PARD3: variants seen among roughly 807,000 people sequenced by gnomAD.
The protein encoded by PARD3 is par-3 family cell polarity regulator, also known as partitioning defective 3 homolog.
In PARD3, 75 loss-of-function variants were observed where a neutral mutation model predicts 155.4. The ratio of observed to expected loss-of-function variants is 0.48; its 90% confidence interval spans 0.40 to 0.58. The LOEUF (loss-of-function observed/expected upper bound fraction) is 0.58. Among genes scored for constraint, PARD3 ranks in the 20% least tolerant of loss-of-function variants. The probability of loss-of-function intolerance (pLI) is 0.00; values close to 1 mark genes in which losing one functional copy is unlikely to be tolerated. For missense variants in PARD3, 1,642 were observed against 1,721.7 expected, an observed-to-expected ratio of 0.95 and a Z score of 0.82; for synonymous variants, 576 against 610.5, an observed-to-expected ratio of 0.94 and a Z score of 0.83.
At chr10:34,226,460 G>T (rs1035505508) in intron 22 of PARD3, among the ~76,000 whole-genome samples, 1 of 152,222 alleles carries the variant, frequency 6.6e-6, no homozygotes, top group Admixed American at 6.5e-5. Context: ...TGAGGCAAGA[G>T]AACTGCTTGA....
intron 7 of PARD3, among the ~76,000 whole-genome samples, chr10:34,392,708 T>A (rs1842961072): frequency 6.6e-6 from 1 of 152,178 alleles, no homozygotes; most frequent in African/African-American, 2.4e-5. Flanking sequence ...CAACTTCCCT[T>A]CTTCCTGAGA....
At chr10:34,449,563 G>A (rs2076945274) in intron 5 of PARD3, among the ~76,000 whole-genome samples, 1 of 150,502 alleles carries the variant, frequency 6.6e-6, no homozygotes. Flanking sequence ...TAACAAATCT[G>A]CACATTGTGC....
In PARD3 at chr10:34,374,937, C is replaced by T. The variant is rs1264354357; in HGVS notation, c.1605G>A (p.Lys535=). The change falls in exon 11 of 25, where the codon AAG becomes AAA. Residue 535 remains lysine, a synonymous_variant. Coordinates refer to ENST00000374788, the MANE Select transcript of PARD3 (RefSeq NM_001184785.2). The part of the protein sequence containing the change: ...EEVVSLLRST[K]MEGTVSLLVF... ...CCAGAAGGCTCACAGTTCCTTCCAT[C>T]TTGGTGCTTCTCAACAGCGAAACAA... 7 of 1,613,898 alleles carry T rather than the reference C, an allele frequency of 4.3e-6. No individual in the cohort carries two copies. Among genetic ancestry groups the T allele is most frequent in the Admixed American group, 1.7e-5 (1 of 59,996 alleles).
intron 2 of PARD3, among the ~76,000 whole-genome samples, chr10:34,672,601 C>T (rs946479137): frequency 2.0e-5 from 3 of 152,160 alleles, no homozygotes; most frequent in African/African-American, 4.8e-5. Flanking sequence ...GAGGACTGCT[C>T]GAGGTCAGGA....
chr10:34,649,926 A>AAC (rs1475629009), intron 2 of PARD3, among the ~76,000 whole-genome samples: 10 of 151,346 alleles, frequency 6.6e-5, no homozygotes, highest in African/African-American at 2.2e-4. Flanking sequence ...GGGAAAAACT[A>AAC]AGACACACAC....
At chr10:34,327,043 G>A (rs1402485816) in intron 19 of PARD3, among the ~76,000 whole-genome samples, 2 of 152,128 alleles carry the variant, frequency 1.3e-5, no homozygotes, top group Non-Finnish European at 2.9e-5. Context: ...TTTTAATTAC[G>A]AAAAAGTAGA....
In PARD3 at chr10:34,375,053, A is replaced by AACACACACACACACACAC. The variant is rs35263377; in HGVS notation, c.1540-69_1540-52dup. On this transcript the variant is annotated intron_variant, in intron 10 of 24. Coordinates refer to ENST00000374788, the MANE Select transcript of PARD3 (RefSeq NM_001184785.2). ...TGTAATCCTGTGGAAACAACAGGAAAACACACACACACACACACACACACA... is the reference window on the plus strand; with the variant it reads ...TGTAATCCTGTGGAAACAACAGGAAAACACACACACACACACACACACACACACACACACACACACACA... 252 of 783,608 alleles carry AACACACACACACACACAC rather than the reference A, an allele frequency of 3.2e-4. 2 individuals are homozygous for AACACACACACACACACAC. In the African/African-American group the frequency reaches 4.2e-3, roughly 13 times the overall value. 48.5% of individuals were successfully genotyped at this position (783,608 alleles called of 1,614,324 possible). A position where few individuals can be genotyped will look rare whatever the true frequency, so the allele number is the denominator to read the frequency against.
chr10:34,490,290 A>G (rs2079806986), intron 3 of PARD3, among the ~76,000 whole-genome samples: 2 of 152,196 alleles, frequency 1.3e-5, no homozygotes, highest in South Asian at 4.1e-4. Flanking sequence ...AGTTCCCTTT[A>G]GCTAAGACGA....
chr10:34,445,396 G>C (rs996360853), intron 5 of PARD3, among the ~76,000 whole-genome samples: 6 of 152,160 alleles, frequency 3.9e-5, no homozygotes, highest in Admixed American at 2.6e-4. Flanking sequence ...TATTCTGCTG[G>C]ATGTGAAAAC....
chr10:34,391,988 T>C (rs1242018006), intron 7 of PARD3, among the ~76,000 whole-genome samples: 1 of 152,050 alleles, frequency 6.6e-6, no homozygotes, highest in Non-Finnish European at 1.5e-5. Flanking sequence ...AGACCCCACC[T>C]TTACCAAAAA....
At chr10:34,515,972 CT>C (rs11398185) in intron 3 of PARD3, among the ~76,000 whole-genome samples, 5 of 149,258 alleles carry the variant, frequency 3.3e-5, no homozygotes, top group Admixed American at 6.7e-5. Context: ...ATAAATAATC[CT>C]TTTTTTTTTC....
At chr10:34,323,281 A>T (rs188462006) in intron 19 of PARD3, among the ~76,000 whole-genome samples, 5 of 152,116 alleles carry the variant, frequency 3.3e-5, no homozygotes, top group African/African-American at 1.2e-4. Context: ...GACTTTTAAC[A>T]TTAGAATGAT....
chr10:34,454,539 C>T (rs1429462673), intron 4 of PARD3, among the ~76,000 whole-genome samples: 4 of 151,886 alleles, frequency 2.6e-5, no homozygotes, highest in Admixed American at 2.6e-4. Flanking sequence ...ATCAAATATA[C>T]ATAATTCTAA....
At chr10:34,237,335 GTGTT>G (rs1953297960) in intron 22 of PARD3, among the ~76,000 whole-genome samples, 1 of 152,168 alleles carries the variant, frequency 6.6e-6, no homozygotes. Flanking sequence ...TGGAGACAAA[GTGTT>G]TGATAATTTT....
At chr10:34,667,463 G>A (rs1469567827) in intron 2 of PARD3, among the ~76,000 whole-genome samples, 1 of 152,150 alleles carries the variant, frequency 6.6e-6, no homozygotes, top group African/African-American at 2.4e-5. Flanking sequence ...CATTTACCAC[G>A]GTGTTACTGA....
At chr10:34,295,226 G>A (rs183883549) in intron 20 of PARD3, among the ~76,000 whole-genome samples, 24 of 152,264 alleles carry the variant, frequency 1.6e-4, no homozygotes, top group Non-Finnish European at 3.2e-4. Flanking sequence ...CCTGGGGTGG[G>A]TGAAGCAGCA....
At chr10:34,489,897 G>A (rs968079118) in intron 3 of PARD3, among the ~76,000 whole-genome samples, 3 of 152,124 alleles carry the variant, frequency 2.0e-5, no homozygotes, top group African/African-American at 7.2e-5. Context: ...CTATTTTACA[G>A]GTATGAAGAC....
chr10:34,614,122 T>G (rs2132647848), intron 2 of PARD3, among the ~76,000 whole-genome samples: 1 of 152,332 alleles, frequency 6.6e-6, no homozygotes, highest in East Asian at 1.9e-4. Context: ...GTTTTCCTAC[T>G]GTAAAAATGT....
At chr10:34,379,464 C>T (rs1775592218) in intron 9 of PARD3, among the ~76,000 whole-genome samples, 1 of 152,022 alleles carries the variant, frequency 6.6e-6, no homozygotes, top group Admixed American at 6.6e-5. Flanking sequence ...TTTGTTATTG[C>T]TCTGGGGAGA....
Sources: allele counts gnomAD v4.1 joint callset (sites outside exome capture counted in the v4.1 genomes callset), GRCh38; gene constraint gnomAD v4.1.1; transcripts MANE v1.5; gene names NCBI Gene and HGNC (gene_info 2026-07-23, HGNC 2026-07-21).